SPPL3: variants seen among roughly 807,000 people sequenced by gnomAD.
SPPL3 encodes the protein signal peptide peptidase-like 3.
Under a neutral mutation model 42.4 loss-of-function variants are expected in SPPL3, and 5 were observed. The ratio of observed to expected loss-of-function variants is 0.12; its 90% CI spans 0.06 to 0.25. SPPL3 has a LOEUF of 0.25. SPPL3 is among the 10% of genes least tolerant of loss of function. The pLI, the probability that SPPL3 is intolerant of heterozygous loss-of-function variation, is 1.00. For missense variants in SPPL3, 235 were observed against 489.0 expected, an observed-to-expected ratio of 0.48 and a Z score of 4.90; for synonymous variants, 195 against 181.8, an observed-to-expected ratio of 1.07 and a Z score of -0.58.
At chr12:120,819,546 A>C (rs946331432) in intron 1 of SPPL3, among the ~76,000 whole-genome samples, 3 of 152,204 alleles carry the variant, frequency 2.0e-5, no homozygotes, top group Admixed American at 2.0e-4. Context: ...CGTTTTTGAG[A>C]AACTATCTGC....
chr12:120,823,059 G>C (rs1566052005), intron 1 of SPPL3, among the ~76,000 whole-genome samples: 1 of 151,880 alleles, frequency 6.6e-6, no homozygotes, highest in Non-Finnish European at 1.5e-5. Context: ...GTGACAGTGC[G>C]ACCTGCTGGG....
chr12:120,767,319 G>T, intron 9 of SPPL3, 75 bp downstream of exon 9: 13 of 1,480,820 alleles, frequency 8.8e-6, no homozygotes, highest in Non-Finnish European at 1.2e-5. Context: ...ACTGTAGCTA[G>T]AAGACCTGAT....
chr12:120,785,233 C>T (rs764398898), intron 3 of SPPL3, among the ~76,000 whole-genome samples: 1 of 149,896 alleles, frequency 6.7e-6, no homozygotes, highest in Non-Finnish European at 1.5e-5. Flanking sequence ...GCGAGACCCC[C>T]GTTTCTATCT....
At chr12:120,789,481 AAG>A (rs1869840331) in intron 3 of SPPL3, among the ~76,000 whole-genome samples, 1 of 141,804 alleles carries the variant, frequency 7.1e-6, no homozygotes, top group Non-Finnish European at 1.5e-5. Context: ...GCATTTAAAA[AAG>A]AAGTATTCTA....
intron 1 of SPPL3, among the ~76,000 whole-genome samples, chr12:120,843,280 A>C (rs569293077): frequency 6.6e-6 from 1 of 152,324 alleles, no homozygotes; most frequent in South Asian, 2.1e-4. Context: ...TGTTACATCT[A>C]TTCTTGATAC....
Position 120,904,067 on chromosome 12 carries a change from C to CCGGGG in SPPL3, c.-205_-201dup, listed in dbSNP as rs1874077942. On this transcript the variant is annotated 5_prime_UTR_variant, in exon 1 of 11. Coordinates refer to ENST00000353487, the MANE Select transcript of SPPL3 (RefSeq NM_139015.5). Reference sequence around the variant, plus strand: ...CCGAAGCGGCCCCGCTCCCTGGGCCCCGGGGCGGGGCGGGCTCCGCTCTCG... The same window carrying CCGGGG: ...CCGAAGCGGCCCCGCTCCCTGGGCCCCGGGGCGGGGCGGGGCGGGCTCCGCTCTCG... 1 of 343,660 alleles carries CCGGGG rather than the reference C, an allele frequency of 2.9e-6. No homozygotes were observed. The highest frequency in any genetic ancestry group is 5.1e-6 in the Non-Finnish European group (1 of 195,826). The allele number at this position is 343,660 out of a possible 1,614,324, so 21.3% of individuals were successfully genotyped here.
At chr12:120,876,304 G>A (rs1217646053) in intron 1 of SPPL3, among the ~76,000 whole-genome samples, 1 of 152,018 alleles carries the variant, frequency 6.6e-6, no homozygotes, top group Non-Finnish European at 1.5e-5. Context: ...AATAATAAGG[G>A]AAATTAGAAA....
At chr12:120,778,099 G>T (rs573276453) in intron 6 of SPPL3, among the ~76,000 whole-genome samples, 2 of 131,472 alleles carry the variant, frequency 1.5e-5, no homozygotes, top group Admixed American at 1.7e-4. Context: ...TTTCCAAAAT[G>T]ACTGAAAAGC....
chr12:120,771,208 T>C lies in SPPL3; in HGVS notation c.503-2149A>G, dbSNP rs58333959. On this transcript the variant is annotated intron_variant, in intron 6 of 10. Transcript: ENST00000353487. ...CTCAAAACTCTTAAACAACTTCCCA[T>C]AGAGTAAAAGCCACAGTCTTCATAC... Among the ~76,000 whole-genome samples the C allele has an allele frequency of 1.0e-3, 152 of 152,258 alleles. 1 individual carries two copies. Among genetic ancestry groups the C allele is most frequent in the African/African-American group, 3.5e-3 (145 of 41,546 alleles).
At chr12:120,894,305 C>G (rs1439038951) in intron 1 of SPPL3, among the ~76,000 whole-genome samples, 1 of 152,110 alleles carries the variant, frequency 6.6e-6, no homozygotes, top group South Asian at 2.1e-4. Flanking sequence ...GCCTGGGCAA[C>G]AAGACCGAAA....
chr12:120,790,948 T>G (rs1315971496), intron 3 of SPPL3, among the ~76,000 whole-genome samples: 4 of 152,000 alleles, frequency 2.6e-5, no homozygotes, highest in African/African-American at 9.7e-5. Flanking sequence ...TCAGCCTCAG[T>G]AGTAGCTGGA....
intron 1 of SPPL3, among the ~76,000 whole-genome samples, chr12:120,820,273 T>C (rs978939581): frequency 2.6e-5 from 4 of 152,094 alleles, no homozygotes; most frequent in South Asian, 2.1e-4. Context: ...TGGAAATATG[T>C]TGAAATAGGA....
intron 1 of SPPL3, among the ~76,000 whole-genome samples, chr12:120,874,034 T>C (rs1873003669): frequency 6.6e-6 from 1 of 151,976 alleles, no homozygotes; most frequent in Admixed American, 6.6e-5. Context: ...TTTAGACCAA[T>C]AAAAGCTGAG....
rs114068775 is a variant in SPPL3, at chr12:120,898,903, C to G, written c.23+4942G>C. The stretch of plus-strand genomic sequence containing the variant: ...ACTTGAAGGAGTTCAAATAAATTGA[C>G]TTCCTTTTCCCTCACACCAACATTA... On this transcript the variant is annotated intron_variant, in intron 1 of 10. Coordinates refer to ENST00000353487, the MANE Select transcript of SPPL3 (RefSeq NM_139015.5). Among the ~76,000 whole-genome samples the G allele has an allele frequency of 9.2e-3, 1,407 of 152,256 alleles. 25 individuals are homozygous for G. Among genetic ancestry groups the G allele is most frequent in the African/African-American group, 0.032 (1,334 of 41,542 alleles).
intron 1 of SPPL3, among the ~76,000 whole-genome samples, chr12:120,847,574 G>A (rs545751788): frequency 1.3e-5 from 2 of 152,160 alleles, no homozygotes; most frequent in East Asian, 1.9e-4. Context: ...GATTACAGGC[G>A]TGAGTCACCA....
At chr12:120,880,967 T>A (rs73217009) in intron 1 of SPPL3, among the ~76,000 whole-genome samples, 6,355 of 151,310 alleles carry the variant, frequency 0.042, 189 homozygotes, top group South Asian at 0.12. Context: ...ATGCTCAGCA[T>A]CACTAATCAC....
chr12:120,894,469 C>T (rs1285718064), intron 1 of SPPL3, among the ~76,000 whole-genome samples: 2 of 152,214 alleles, frequency 1.3e-5, no homozygotes, highest in African/African-American at 4.8e-5. Flanking sequence ...AAAACTTAAA[C>T]AACAAAACAA....
intron 1 of SPPL3, among the ~76,000 whole-genome samples, chr12:120,835,810 T>C (rs1301511205): frequency 6.6e-6 from 1 of 152,144 alleles, no homozygotes; most frequent in Non-Finnish European, 1.5e-5. Context: ...AGGTGAACCA[T>C]TCCTAACATC....
intron 2 of SPPL3, among the ~76,000 whole-genome samples, chr12:120,809,513 G>T (rs1870611704): frequency 6.6e-6 from 1 of 152,154 alleles, no homozygotes; most frequent in South Asian, 2.1e-4. Flanking sequence ...TTACGCCTGG[G>T]TATTTCACTT....
Sources: allele counts gnomAD v4.1 joint callset (sites outside exome capture counted in the v4.1 genomes callset), GRCh38; gene constraint gnomAD v4.1.1; transcripts MANE v1.5; gene names NCBI Gene and HGNC (gene_info 2026-07-23, HGNC 2026-07-21).